AKAP7: variants seen among roughly 807,000 people sequenced by gnomAD.
The protein encoded by AKAP7 is A kinase (PRKA) anchor protein 7.
Under a neutral mutation model 39.5 loss-of-function variants are expected in AKAP7, and 39 were observed. The observed-to-expected ratio is 0.99, with a 90% confidence interval of 0.76 to 1.29. The LOEUF (loss-of-function observed/expected upper bound fraction) is 1.29. Ranked by LOEUF, AKAP7 falls within the 50% of genes most tolerant of loss-of-function variation. The pLI is 0.00. For synonymous variants in AKAP7, 140 were observed against 139.1 expected, an observed-to-expected ratio of 1.01 and a Z score of -0.05; for missense variants, 414 against 407.7, an observed-to-expected ratio of 1.02 and a Z score of -0.13.
intron 7 of AKAP7, among the ~76,000 whole-genome samples, chr6:131,272,852 T>C (rs78239513): frequency 1.5e-3 from 227 of 152,300 alleles, no homozygotes; most frequent in African/African-American, 5.2e-3. Flanking sequence ...TAATTTTCAG[T>C]TAGGTGGATT....
At chr6:131,237,037 TG>T (rs1811128767) in intron 7 of AKAP7, among the ~76,000 whole-genome samples, 1 of 152,206 alleles carries the variant, frequency 6.6e-6, no homozygotes, top group African/African-American at 2.4e-5. Context: ...ATATTGGCTG[TG>T]GGTTTGTCAT....
chr6:131,250,501 A>G, intron 7 of AKAP7: 3 of 1,612,470 alleles, frequency 1.9e-6, no homozygotes, highest in East Asian at 2.2e-5. Flanking sequence ...ACTGTGCTAT[A>G]AACTGCAATT....
At chr6:131,194,833 T>C (rs1806764713) in intron 5 of AKAP7, among the ~76,000 whole-genome samples, 1 of 152,136 alleles carries the variant, frequency 6.6e-6, no homozygotes, top group African/African-American at 2.4e-5. Flanking sequence ...AAATGTATTT[T>C]CTCTGATAGA....
chr6:131,158,179 G>A (rs966298256), intron 2 of AKAP7, among the ~76,000 whole-genome samples: 1 of 152,204 alleles, frequency 6.6e-6, no homozygotes, highest in Non-Finnish European at 1.5e-5. Context: ...TAGTTGTGCA[G>A]AACTTCAGTA....
intron 7 of AKAP7, among the ~76,000 whole-genome samples, chr6:131,270,921 G>A (rs1340548888): frequency 6.6e-6 from 1 of 152,078 alleles, no homozygotes; most frequent in African/African-American, 2.4e-5. Context: ...GTATTTGGTT[G>A]CTTTTCTTAC....
At chr6:131,208,876 A>G (rs914679821) in intron 6 of AKAP7, among the ~76,000 whole-genome samples, 2 of 152,324 alleles carry the variant, frequency 1.3e-5, no homozygotes, top group East Asian at 3.9e-4. Context: ...GAGTTGGTGA[A>G]CATGCTGATT....
intron 2 of AKAP7, among the ~76,000 whole-genome samples, chr6:131,153,754 T>C (rs990504814): frequency 5.9e-5 from 9 of 152,170 alleles, no homozygotes; most frequent in East Asian, 5.8e-4. Context: ...AAAATGATTA[T>C]ATATCTTATC....
At chr6:131,196,355 T>C (rs938053058) in intron 5 of AKAP7, among the ~76,000 whole-genome samples, 3 of 146,932 alleles carry the variant, frequency 2.0e-5, no homozygotes, top group Non-Finnish European at 4.5e-5. Context: ...AACCTCCGCC[T>C]CCCAGGTTTA....
In AKAP7 at chr6:131,135,519, T is replaced by TGCCGCC. The variant is rs1052078912; in HGVS notation, c.-239_-234dup. On this transcript the variant is annotated 5_prime_UTR_variant, in exon 1 of 8. Transcript: ENST00000431975. ...ATGCGGGTGCTGCGGCTGCTGCGGC[T>TGCCGCC]GCCGCCGCCGCTGCTGCCGCTGCCG... The TGCCGCC allele has an allele frequency of 6.1e-6, 1 of 164,958 alleles. No individual in the cohort carries two copies. The highest frequency in any genetic ancestry group is 2.5e-5 in the African/African-American group (1 of 40,786). The allele number at this position is 164,958 out of a possible 1,614,324, so 10.2% of individuals were successfully genotyped here. A position where few individuals can be genotyped will look rare whatever the true frequency, so the allele number is the denominator to read the frequency against.
At chr6:131,252,994 T>C in intron 7 of AKAP7, 1 of 1,601,808 alleles carries the variant, frequency 6.2e-7, no homozygotes. Flanking sequence ...TGATGAGTTT[T>C]TGGTGAAAGT....
At chr6:131,169,079 A>G in intron 4 of AKAP7, 34 bp from the exon 5 acceptor site, 4 of 1,534,404 alleles carry the variant, frequency 2.6e-6, no homozygotes, top group Non-Finnish European at 3.6e-6. Context: ...TTATTACTTA[A>G]TGTGTTACTG....
intron 1 of AKAP7, among the ~76,000 whole-genome samples, chr6:131,143,352 C>A (rs935304632): frequency 1.3e-5 from 2 of 152,108 alleles, no homozygotes; most frequent in Admixed American, 6.5e-5. Flanking sequence ...TCGTGCCCTC[C>A]CTGCAGTAAT....
intron 5 of AKAP7, among the ~76,000 whole-genome samples, chr6:131,187,723 G>A (rs1245332404): frequency 7.2e-5 from 11 of 152,138 alleles, no homozygotes. Context: ...AAAAAAAAGT[G>A]TGATGTACAC....
At chr6:131,196,483 C>T (rs1028447565) in intron 5 of AKAP7, among the ~76,000 whole-genome samples, 6 of 151,990 alleles carry the variant, frequency 3.9e-5, no homozygotes, top group Admixed American at 6.6e-5. Context: ...AGGCTGGTCT[C>T]GAACTTCTGA....
At position 131,282,124 on chromosome 6, in the gene AKAP7, C is replaced by G; in HGVS notation, c.*398C>G. 1 of 1,172,432 alleles carries G rather than the reference C, an allele frequency of 8.5e-7. No homozygotes were observed. Among genetic ancestry groups the G allele is most frequent in the Non-Finnish European group, 1.1e-6 (1 of 950,680 alleles). 72.6% of individuals were successfully genotyped at this position (1,172,432 alleles called of 1,614,324 possible). A position where few individuals can be genotyped will look rare whatever the true frequency, so the allele number is the denominator to read the frequency against. On this transcript the variant is annotated 3_prime_UTR_variant, in exon 8 of 8. Coordinates refer to ENST00000431975, the MANE Select transcript of AKAP7 (RefSeq NM_016377.4). ...TATCTGAGGCCAGAACTCTCACACA[C>G]AGCTATCAAGTGCTAAGTTTAAAAT...
chr6:131,217,867 C>T (rs993267959), intron 6 of AKAP7, among the ~76,000 whole-genome samples: 1 of 152,274 alleles, frequency 6.6e-6, no homozygotes, highest in African/African-American at 2.4e-5. Context: ...TGCCAGTCTT[C>T]TCTCCAGTCT....
intron 7 of AKAP7, among the ~76,000 whole-genome samples, chr6:131,230,068 T>A (rs1166532432): frequency 6.6e-6 from 1 of 152,216 alleles, no homozygotes; most frequent in Non-Finnish European, 1.5e-5. Flanking sequence ...TGAGTGCATG[T>A]GTCTTTTAGG....
chr6:131,276,439 G>A (rs1180511316), intron 7 of AKAP7, among the ~76,000 whole-genome samples: 1 of 152,056 alleles, frequency 6.6e-6, no homozygotes, highest in African/African-American at 2.4e-5. Context: ...TCACAGATCA[G>A]TTGCAGGTAG....
chr6:131,169,064 ATATTT>A, intron 4 of AKAP7, 44 bp from the exon 5 acceptor site: 1 of 1,478,976 alleles, frequency 6.8e-7, no homozygotes, highest in South Asian at 1.2e-5. Flanking sequence ...TTGGTTTTGT[ATATTT>A]TATTACTTAA....
Sources: allele counts gnomAD v4.1 joint callset (sites outside exome capture counted in the v4.1 genomes callset), GRCh38; gene constraint gnomAD v4.1.1; transcripts MANE v1.5; gene names NCBI Gene and HGNC (gene_info 2026-07-23, HGNC 2026-07-21).